The following ARSD variants were observed in gnomAD, a reference collection of about 807,000 sequenced individuals.
ARSD encodes the protein testis tissue sperm-binding protein Li 39a.
Under a neutral mutation model 32.6 loss-of-function variants are expected in ARSD, and 21 were observed. That is an observed-to-expected ratio of 0.64 (90% CI 0.46 to 0.93). ARSD has a LOEUF of 0.93. Among genes scored for constraint, ARSD ranks in the 40% least tolerant of loss-of-function variants. The pLI, the probability that ARSD is intolerant of heterozygous loss-of-function variation, is 0.00. For missense variants in ARSD, 454 were observed against 520.9 expected (o/e 0.87, Z 1.25); for synonymous variants, 224 against 237.4 (o/e 0.94, Z 0.52).
Position 2,907,071 on chromosome X carries a change from C to G in ARSD, c.*200G>C, listed in dbSNP as rs1449110986. On this transcript the variant is annotated 3_prime_UTR_variant, in exon 10 of 10. Transcript: ENST00000381154. ...GGCGGAGGTTGCAGTGAGCAGAGAT[C>G]GTGCCATTGCATTCCAGCCTGAGGG... 1 of 402,084 alleles carries G rather than the reference C, an allele frequency of 2.5e-6. No homozygotes were observed. Among genetic ancestry groups the G allele is most frequent in the Non-Finnish European group, 4.2e-6 (1 of 236,029 alleles). 33.1% of individuals were successfully genotyped at this position (402,084 alleles called of 1,213,427 possible).
chrX:2,928,696 T>C (rs2089116320), intron 1 of ARSD, among the ~76,000 whole-genome samples: 1 of 69,903 alleles, frequency 1.4e-5, no homozygotes, highest in Non-Finnish European at 2.6e-5. Flanking sequence ...CGGGACGGGG[T>C]GCCTCTTAGG....
chrX:2,918,563 A>C (rs1259784716), intron 4 of ARSD, among the ~76,000 whole-genome samples: 1 of 110,541 alleles, frequency 9.0e-6, no homozygotes, highest in Admixed American at 9.7e-5. Flanking sequence ...ATCCTGGCTA[A>C]CACGGTGAAA....
chrX:2,912,346 C>T (rs778975524), intron 6 of ARSD, among the ~76,000 whole-genome samples: 6 of 111,139 alleles, frequency 5.4e-5, no homozygotes, highest in South Asian at 3.9e-4. Flanking sequence ...TCTGTGAATC[C>T]GCCTTTGACC....
intron 2 of ARSD, among the ~76,000 whole-genome samples, chrX:2,924,737 G>C (rs1279001198): frequency 1.8e-5 from 2 of 112,262 alleles, no homozygotes; most frequent in Non-Finnish European, 3.8e-5. Flanking sequence ...TCCTGGTTTA[G>C]AGAGGGCCCC....
Position 2,921,975 on chromosome X carries a change from G to T in ARSD, c.244C>A (p.His82Asn). The T allele has an allele frequency of 8.3e-6, 10 of 1,210,558 alleles. No individual in the cohort carries two copies. The highest frequency in any genetic ancestry group is 1.1e-5 in the Non-Finnish European group (10 of 895,019). ...GTGCAGAGCGGGGCGGCCGCCAGGTGCTGAGTGAGCCTCACACCTTCCTCT... is the reference window on the plus strand; with the variant it reads ...GTGCAGAGCGGGGCGGCCGCCAGGTTCTGAGTGAGCCTCACACCTTCCTCT... ...LAEEGVRLTQ[H>N]LAAAPLCTPS... Residue 82 changes from histidine (H) to asparagine (N), a missense_variant, in exon 3 of 10, where the codon CAC becomes AAC. Transcript: ENST00000381154.
intron 2 of ARSD, chrX:2,923,214 C>A: frequency 4.0e-6 from 1 of 251,462 alleles, no homozygotes. Context: ...TGGTTCACGC[C>A]TGTCATCCCA....
chrX:2,924,837 A>G (rs1366321597), intron 2 of ARSD, among the ~76,000 whole-genome samples: 2 of 111,629 alleles, frequency 1.8e-5, no homozygotes, highest in African/African-American at 6.5e-5. Context: ...CACAAACTGG[A>G]GTGATGTGGC....
chrX:2,928,719 C>T (rs980510549), intron 1 of ARSD, among the ~76,000 whole-genome samples: 3 of 62,554 alleles, frequency 4.8e-5, no homozygotes, highest in Non-Finnish European at 8.7e-5. Context: ...GTGGGGCGGG[C>T]AAGGCTACGC....
rs2088841035 is a variant in ARSD at position 2,904,899 on chromosome X, G to GT, written c.*2371dup. 10 of 257,103 alleles carry GT rather than the reference G, an allele frequency of 3.9e-5. No homozygotes were observed. The highest frequency in any genetic ancestry group is 7.1e-5 in the Non-Finnish European group (10 of 141,180). The allele number at this position is 257,103 out of a possible 1,213,427, so 21.2% of individuals were successfully genotyped here. A position where few individuals can be genotyped will look rare whatever the true frequency, so the allele number is the denominator to read the frequency against. ...TCCCCGTGTCCCATGCTCCATAGAT[G>GT]TTTCTTTTTTTTTTTTTTTTTAATC... On this transcript the variant is annotated 3_prime_UTR_variant, in exon 10 of 10. Transcript: ENST00000381154.
intron 3 of ARSD, 138 bp from the exon 4 acceptor site, chrX:2,920,861 T>TAG: frequency 1.3e-6 from 1 of 782,584 alleles, no homozygotes; most frequent in Non-Finnish European, 1.8e-6. Context: ...ATCTATCATG[T>TAG]ATGGAGCTAT....
rs61514148 is a variant in ARSD at position 2,922,057 on chromosome X, G to A, written c.195-33C>T. On this transcript the variant is annotated intron_variant, in intron 2 of 9. Coordinates refer to ENST00000381154, the MANE Select transcript of ARSD (RefSeq NM_001669.4). ...AAGCACACAAATGTCATTGTTGGAA[G>A]GGAGACATGCATTTGGCTTAAGCAG... 10,367 of 1,175,564 alleles carry A rather than the reference G, an allele frequency of 8.8e-3. 542 individuals are homozygous for A. In the African/African-American group the frequency reaches 0.15, roughly 17 times the overall value.
chrX:2,909,880 G>A lies in ARSD; in HGVS notation c.1235C>T (p.Thr412Met), dbSNP rs750371469. 7.5e-6 allele frequency: 9 copies of A among 1,207,870 alleles called. No individual in the cohort carries two copies. Among genetic ancestry groups the A allele is most frequent in the South Asian group, 7.1e-5 (4 of 56,581 alleles). The change falls in exon 8 of 10, where the codon ACG becomes ATG. Residue 412 changes from threonine to methionine, a missense_variant. Physicochemically the swap from Thr to Met is moderately conservative, Grantham distance 81 (BLOSUM62 -1). Around this residue, in one of 3 missense-constraint regions of ARSD, gnomAD observed 179 missense variants for 198.5 expected, o/e 0.90. Transcript: ENST00000381154. ...AGTAGGGAACACGTCCATCAGGCTC[G>A]TGGGCTCTCCAATCACTCGGCCGGC... ...LPAGRVIGEP[T>M]SLMDVFPTVV...
At chrX:2,908,334 C>T (rs181724368) in intron 9 of ARSD, among the ~76,000 whole-genome samples, 1 of 110,975 alleles carries the variant, frequency 9.0e-6, no homozygotes, top group African/African-American at 3.3e-5. Flanking sequence ...TATCTATCAT[C>T]TATCCTACAT....
At chrX:2,920,402 G>A (rs1207102263) in intron 4 of ARSD, 199 bp downstream of exon 4, 14 of 423,166 alleles carry the variant, frequency 3.3e-5, no homozygotes, top group South Asian at 1.1e-4. Flanking sequence ...ACAGAGTCTC[G>A]CTTTGTCACC....
rs748441084 is a variant in ARSD, at chrX:2,908,769, G to A, written c.1372C>T (p.His458Tyr). Residue 458 changes from histidine to tyrosine, a missense_variant, in exon 9 of 10, where the codon CAT becomes TAT. His to Tyr is a moderately conservative substitution (Grantham distance 83). Coordinates refer to ENST00000381154, the MANE Select transcript of ARSD (RefSeq NM_001669.4). ...GCGTGAAGATGCTGCCCACAGTAAT[G>A]AAACAGGAACTCATGTGCCGAGCGT... ...EARSAHEFLF[H>Y]YCGQHLHAAR... The A allele has an allele frequency of 8.3e-7, 1 of 1,206,671 alleles. No homozygotes were observed. Among genetic ancestry groups the A allele is most frequent in the African/African-American group, 1.8e-5 (1 of 56,858 alleles).
chrX:2,920,522 C>T, intron 4 of ARSD, 79 bp downstream of exon 4: 1 of 1,180,622 alleles, frequency 8.5e-7, no homozygotes. Flanking sequence ...AGGCGTGCGC[C>T]ACCACGCCTG....
intron 1 of ARSD, among the ~76,000 whole-genome samples, chrX:2,928,976 T>C (rs3747393): frequency 0.49 from 54,032 of 110,934 alleles, 9,774 homozygotes; most frequent in East Asian, 0.85. Flanking sequence ...CCTTCCGCCT[T>C]CCCTTCAGTT....
intron 8 of ARSD, 65 bp from the exon 9 acceptor site, chrX:2,908,907 T>C: frequency 8.4e-7 from 1 of 1,197,507 alleles, no homozygotes; most frequent in Admixed American, 2.2e-5. Context: ...CTTTTGCACC[T>C]GGGAACACAT....
chrX:2,917,908 G>C lies in ARSD; in HGVS notation c.759C>G (p.Arg253=). ...SWYSSFGFVR[R]WNCILMRNHD... ...GGTTTCTCATCAGGATACAGTTCCA[G>C]CGTCGCACAAACCCGAAGGAGGAGT... Residue 253 remains arginine (R), a synonymous_variant, in exon 5 of 10, where the codon CGC becomes CGG. Coordinates refer to ENST00000381154, the MANE Select transcript of ARSD (RefSeq NM_001669.4). 1 of 1,212,197 alleles carries C rather than the reference G, an allele frequency of 8.2e-7. No individual in the cohort carries two copies. Among genetic ancestry groups the C allele is most frequent in the Non-Finnish European group, 1.1e-6 (1 of 895,498 alleles).
Sources: gnomAD v4.1 joint callset for allele counts (sites outside exome capture counted in the v4.1 genomes callset) on GRCh38, gnomAD v4.1.1 for gene constraint, gnomAD v4.1.1 regional missense constraint, MANE v1.5 for transcripts, NCBI Gene and HGNC (gene_info 2026-07-23, HGNC 2026-07-21) for gene names.